Variants in FCRL1 observed in about 807,000 individuals in gnomAD.
FCRL1 encodes Fc receptor-like protein 1.
Under a neutral mutation model 49.2 loss-of-function variants are expected in FCRL1, and 34 were observed. That is an observed-to-expected ratio of 0.69 (90% CI 0.53 to 0.92). The LOEUF (loss-of-function observed/expected upper bound fraction) is 0.92. Ranked by LOEUF, FCRL1 falls within the 40% of genes least tolerant of loss-of-function variation. The pLI is 0.00. For synonymous variants in FCRL1, 218 were observed against 201.6 expected, an observed-to-expected ratio of 1.08 and a Z score of -0.69; for missense variants, 524 against 524.1, an observed-to-expected ratio of 1.00 and a Z score of 0.00.
Position 157,802,676 on chromosome 1 carries a change from C to T in FCRL1, c.320-12G>A. On this transcript the variant is annotated splice_polypyrimidine_tract_variant and intron_variant, in intron 3 of 10. Coordinates refer to ENST00000368176, the MANE Select transcript of FCRL1 (RefSeq NM_052938.5). ...AGCGACAGGGACCCCTGTGTGGACA[C>T]AAGATGACATAGGAAGACCCTGTGC... 1.2e-6 allele frequency: 2 copies of T among 1,608,488 alleles called. No homozygotes were observed. Among genetic ancestry groups the T allele is most frequent in the African/African-American group, 1.3e-5 (1 of 74,902 alleles).
chr1:157,798,084 G>A lies in FCRL1; in HGVS notation c.1114+77C>T, dbSNP rs892033878. On this transcript the variant is annotated intron_variant, in intron 8 of 10. Coordinates refer to ENST00000368176, the MANE Select transcript of FCRL1 (RefSeq NM_052938.5). ...CTAGGGCACAGCAAAGTCAGGTTTG[G>A]CTAGCAGATGTTATCCCATTGTCCC... 19 of 1,527,974 alleles carry A rather than the reference G, an allele frequency of 1.2e-5. No homozygotes were observed. In the Admixed American group the frequency reaches 3.3e-4, roughly 26 times the overall value. The allele number at this position is 1,527,974 out of a possible 1,614,324, so 94.7% of individuals were successfully genotyped here. A position where few individuals can be genotyped will look rare whatever the true frequency, so the allele number is the denominator to read the frequency against.
intron 1 of FCRL1, among the ~76,000 whole-genome samples, chr1:157,807,974 T>C (rs1359921611): frequency 6.6e-6 from 1 of 152,234 alleles, no homozygotes; most frequent in African/African-American, 2.4e-5. Context: ...ATTCAGTAAA[T>C]ATTGTGTCAT....
intron 7 of FCRL1, among the ~76,000 whole-genome samples, chr1:157,799,607 T>C (rs1417446521): frequency 6.7e-6 from 1 of 149,492 alleles, no homozygotes; most frequent in Admixed American, 6.7e-5. Context: ...GAGACTTTGC[T>C]GGAAGGGGAA....
At chr1:157,815,550 G>A (rs1433764192) in intron 1 of FCRL1, among the ~76,000 whole-genome samples, 1 of 151,640 alleles carries the variant, frequency 6.6e-6, no homozygotes, top group African/African-American at 2.4e-5. Context: ...CAAGGAACTA[G>A]AAAAACAAGA....
chr1:157,812,114 C>T (rs1053443677), intron 1 of FCRL1, among the ~76,000 whole-genome samples: 2 of 152,166 alleles, frequency 1.3e-5, no homozygotes, highest in African/African-American at 4.8e-5. Context: ...TGAAAACCAG[C>T]CTGGCACCTC....
intron 1 of FCRL1, among the ~76,000 whole-genome samples, chr1:157,816,870 T>C (rs1655105378): frequency 6.6e-6 from 1 of 151,714 alleles, no homozygotes; most frequent in Non-Finnish European, 1.5e-5. Flanking sequence ...AATAGTGAAC[T>C]ACCTGCAAAA....
chr1:157,817,074 A>G lies in FCRL1; in HGVS notation c.31+2933T>C, dbSNP rs145806609. Among the ~76,000 whole-genome samples the G allele has an allele frequency of 7.7e-3, 1,169 of 152,042 alleles. 2 individuals carry two copies. The highest frequency in any genetic ancestry group is 0.017 in the South Asian group (81 of 4,822). ...AAGAATAAATACTGTTAAAATGTCAATACTACCCAGAATCATCTACAGATT... is the reference window on the plus strand; with the variant it reads ...AAGAATAAATACTGTTAAAATGTCAGTACTACCCAGAATCATCTACAGATT... On this transcript the variant is annotated intron_variant, in intron 1 of 10. Transcript: ENST00000368176.
intron 1 of FCRL1, among the ~76,000 whole-genome samples, chr1:157,809,446 A>G (rs1418805725): frequency 6.6e-6 from 1 of 152,192 alleles, no homozygotes; most frequent in African/African-American, 2.4e-5. Flanking sequence ...CAAACAAAAA[A>G]AACCACAAAT....
intron 2 of FCRL1, chr1:157,806,564 A>G (rs1265984436): frequency 1.3e-5 from 2 of 152,516 alleles, no homozygotes; most frequent in African/African-American, 4.8e-5. Flanking sequence ...GAGCTGGGGT[A>G]ACAGGTGTGG....
intron 2 of FCRL1, among the ~76,000 whole-genome samples, chr1:157,805,120 C>G (rs1653212817): frequency 6.6e-6 from 1 of 152,130 alleles, no homozygotes; most frequent in Non-Finnish European, 1.5e-5. Flanking sequence ...CTTGGCATCC[C>G]AAGGTACTGA....
chr1:157,818,575 C>A (rs11810779), intron 1 of FCRL1, among the ~76,000 whole-genome samples: 1 of 151,558 alleles, frequency 6.6e-6, no homozygotes, highest in Non-Finnish European at 1.5e-5. Context: ...GGGTGTGTGT[C>A]CAGAATAGAC....
intron 5 of FCRL1, 55 bp downstream of exon 5, chr1:157,801,860 C>T (rs1652529951): frequency 1.3e-6 from 2 of 1,558,940 alleles, no homozygotes; most frequent in Middle Eastern, 1.8e-4. Flanking sequence ...CAAAACTCTC[C>T]CAGGACGCTG....
intron 7 of FCRL1, among the ~76,000 whole-genome samples, chr1:157,799,853 G>A (rs925844821): frequency 6.6e-6 from 1 of 151,876 alleles, no homozygotes; most frequent in South Asian, 2.1e-4. Context: ...GAAAAATAAT[G>A]AAAAGATTTA....
At chr1:157,810,053 C>T (rs866256008) in intron 1 of FCRL1, among the ~76,000 whole-genome samples, 1 of 152,078 alleles carries the variant, frequency 6.6e-6, no homozygotes, top group Non-Finnish European at 1.5e-5. Context: ...TGATCAAATG[C>T]CCCTGAGAAA....
intron 1 of FCRL1, among the ~76,000 whole-genome samples, chr1:157,813,283 A>G (rs1407700012): frequency 6.6e-6 from 1 of 152,220 alleles, no homozygotes; most frequent in African/African-American, 2.4e-5. Flanking sequence ...ATTGCCTAAA[A>G]AATTCAAAAT....
intron 1 of FCRL1, among the ~76,000 whole-genome samples, chr1:157,814,902 A>T (rs1456326144): frequency 6.6e-6 from 1 of 152,030 alleles, no homozygotes; most frequent in Admixed American, 6.5e-5. Flanking sequence ...CATCAAGAAG[A>T]TATAACAATT....
chr1:157,797,799 G>A lies in FCRL1; in HGVS notation c.1186+69C>T, dbSNP rs567217911. On this transcript the variant is annotated intron_variant, in intron 9 of 10. Transcript: ENST00000368176. ...GGAATGCTGTTGTCTGCCATGCACA[G>A]CCACTGATTGTTCTCTTGGTTCTGG... 3.7e-6 allele frequency: 6 copies of A among 1,612,572 alleles called. No homozygotes were observed. The African/African-American group carries it at 8.0e-5, about 22-fold the overall frequency.
intron 1 of FCRL1, among the ~76,000 whole-genome samples, chr1:157,809,496 T>C (rs6685663): frequency 0.42 from 64,590 of 152,142 alleles, 13,933 homozygotes; most frequent in African/African-American, 0.48. Flanking sequence ...TTGCCCAAAC[T>C]AGAGTGCAAT....
intron 3 of FCRL1, 31 bp downstream of exon 3, chr1:157,803,814 A>G: frequency 1.2e-6 from 2 of 1,606,130 alleles, no homozygotes. Context: ...TTCTCAGCCT[A>G]TCCTGGCAGA....
Sources: allele counts gnomAD v4.1 joint callset (sites outside exome capture counted in the v4.1 genomes callset), GRCh38; gene constraint gnomAD v4.1.1; transcripts MANE v1.5; gene names NCBI Gene and HGNC (gene_info 2026-07-23, HGNC 2026-07-21).